Variants in GPATCH2 observed in about 807,000 individuals in gnomAD.
GPATCH2 encodes the protein G patch domain-containing protein 2.
In GPATCH2, 51 loss-of-function variants were observed where a neutral mutation model predicts 58.0. The ratio of observed to expected loss-of-function variants is 0.88; its 90% confidence interval spans 0.70 to 1.11. The LOEUF is 1.11. Ranked by LOEUF, GPATCH2 falls within the 50% of genes most tolerant of loss-of-function variation. The pLI, the probability that GPATCH2 is intolerant of heterozygous loss-of-function variation, is 0.00. For missense variants in GPATCH2, 625 were observed against 652.2 expected, an observed-to-expected ratio of 0.96 and a Z score of 0.45; for synonymous variants, 222 against 218.5, an observed-to-expected ratio of 1.02 and a Z score of -0.14.
intron 9 of GPATCH2, among the ~76,000 whole-genome samples, chr1:217,442,621 A>G (rs544814396): frequency 7.1e-6 from 1 of 140,296 alleles, no homozygotes; most frequent in South Asian, 2.1e-4. Flanking sequence ...AAACAAGCAT[A>G]GCAAATCTGA....
intron 5 of GPATCH2, chr1:217,609,173 T>A (rs760404403): frequency 5.6e-5 from 55 of 978,878 alleles, no homozygotes; most frequent in Non-Finnish European, 6.7e-5. Flanking sequence ...TATTATAGTG[T>A]CTAAATTATA....
intron 7 of GPATCH2, among the ~76,000 whole-genome samples, chr1:217,494,660 T>C (rs1241374665): frequency 6.6e-6 from 1 of 151,880 alleles, no homozygotes; most frequent in Non-Finnish European, 1.5e-5. Context: ...ATGAGAATCG[T>C]TTGAACTCGG....
At chr1:217,574,229 C>A (rs535082965) in intron 5 of GPATCH2, among the ~76,000 whole-genome samples, 1 of 152,272 alleles carries the variant, frequency 6.6e-6, no homozygotes, top group South Asian at 2.1e-4. Context: ...ACAAAATGTG[C>A]CTTTTTTACA....
At chr1:217,441,017 AT>A (rs1659110017) in intron 9 of GPATCH2, among the ~76,000 whole-genome samples, 1 of 152,202 alleles carries the variant, frequency 6.6e-6, no homozygotes, top group Non-Finnish European at 1.5e-5. Flanking sequence ...TTTAAAGTTC[AT>A]ACGAAACCAA....
Position 217,620,029 on chromosome 1 carries a change from G to C in GPATCH2, c.527C>G (p.Ser176Cys). Residue 176 changes from serine (S) to cysteine (C), a missense_variant, in exon 2 of 10, where the codon TCT (serine) becomes TGT (cysteine). Transcript: ENST00000366935. ...RMAVDLPQDI[S>C]NKRTMTQPPE... ...TGGCTGGGTCATTGTCCGTTTGTTA[G>C]AGATGTCCTGTGGGAGATCTACTGC... 6.2e-7 allele frequency: 1 copy of C among 1,613,844 alleles called. No individual in the cohort carries two copies. The highest frequency in any genetic ancestry group is 8.5e-7 in the Non-Finnish European group (1 of 1,179,856).
In GPATCH2 at chr1:217,428,566, TA is replaced by T. The variant is rs1558384746; in HGVS notation, c.*2578del. 6.6e-6 allele frequency: 1 copy of T among 152,192 alleles called. No homozygotes were observed. The highest frequency in any genetic ancestry group is 1.9e-4 in the East Asian group (1 of 5,194). The allele number at this position is 152,192 out of a possible 1,614,324, so 9.4% of individuals were successfully genotyped here. A position where few individuals can be genotyped will look rare whatever the true frequency, so the allele number is the denominator to read the frequency against. The stretch of plus-strand genomic sequence containing the variant: ...TTCTTAAAGACTGAGGGCATGTCAG[TA>T]GAAGTATGGGGGAAGCTTGGGATGT... On this transcript the variant is annotated 3_prime_UTR_variant, in exon 10 of 10. Transcript: ENST00000366935.
At chr1:217,461,391 C>T (rs1461478724) in intron 8 of GPATCH2, among the ~76,000 whole-genome samples, 1 of 152,122 alleles carries the variant, frequency 6.6e-6, no homozygotes, top group Non-Finnish European at 1.5e-5. Flanking sequence ...TATTTTCTGC[C>T]TTAAACTACA....
intron 1 of GPATCH2, among the ~76,000 whole-genome samples, chr1:217,622,143 CTCA>C: frequency 6.6e-6 from 1 of 152,202 alleles, no homozygotes; most frequent in South Asian, 2.1e-4. Context: ...TACTGTAATC[CTCA>C]AGACAGATTT....
chr1:217,440,096 C>T (rs1012270113), intron 9 of GPATCH2, among the ~76,000 whole-genome samples: 18 of 152,176 alleles, frequency 1.2e-4, no homozygotes, highest in Middle Eastern at 3.2e-3. Flanking sequence ...TGATGAACAT[C>T]GATGTGAAAA....
intron 5 of GPATCH2, among the ~76,000 whole-genome samples, chr1:217,527,962 A>T (rs1270658562): frequency 6.6e-6 from 1 of 152,150 alleles, no homozygotes; most frequent in Non-Finnish European, 1.5e-5. Context: ...AACGGAAGTT[A>T]AAAAAAATCA....
In GPATCH2 at chr1:217,522,120, TA is replaced by T. The variant is rs1172692574; in HGVS notation, c.1099-7232del. On this transcript the variant is annotated intron_variant, in intron 5 of 9. Coordinates refer to ENST00000366935, the MANE Select transcript of GPATCH2 (RefSeq NM_018040.5). ...GTTTTTAACGTAAAACTAAACAATA[TA>T]ATTGTTTTAAATCTTCATTGTAAAC... is the stretch of plus-strand genomic sequence containing the variant. Among the ~76,000 whole-genome samples the T allele has an allele frequency of 2.0e-5, 3 of 152,346 alleles. No homozygotes were observed. The East Asian group carries it at 5.8e-4, about 29-fold the overall frequency.
intron 7 of GPATCH2, among the ~76,000 whole-genome samples, chr1:217,492,283 A>G (rs1471104528): frequency 6.6e-6 from 1 of 152,194 alleles, no homozygotes; most frequent in Admixed American, 6.5e-5. Flanking sequence ...TTCTTCTTCA[A>G]AGAAATTATT....
chr1:217,470,227 G>C (rs1437740781), intron 8 of GPATCH2, among the ~76,000 whole-genome samples: 1 of 152,180 alleles, frequency 6.6e-6, no homozygotes, highest in Non-Finnish European at 1.5e-5. Flanking sequence ...ATTCATTTCA[G>C]TTAAGGGTCA....
In GPATCH2 at chr1:217,436,910, A is replaced by T. The variant is rs6674465; in HGVS notation, c.1367-5545T>A. 5.2e-3 allele frequency among the ~76,000 whole-genome samples: 793 copies of T among 152,312 alleles called. 4 individuals carry two copies. The highest frequency in any genetic ancestry group is 8.8e-3 in the Non-Finnish European group (601 of 68,030). The stretch of plus-strand genomic sequence containing the variant: ...ACTGAACTTGCAATATTATATCATC[A>T]ACATTTTCTGATGCATGGGGAGTTG... On this transcript the variant is annotated intron_variant, in intron 9 of 9. Coordinates refer to ENST00000366935, the MANE Select transcript of GPATCH2 (RefSeq NM_018040.5).
At position 217,609,759 on chromosome 1, in the gene GPATCH2, G is replaced by A. The variant is rs1017933520; in HGVS notation, c.1098+562C>T. 3.1e-6 allele frequency: 3 copies of A among 953,894 alleles called. No homozygotes were observed. The African/African-American group carries it at 5.3e-5, about 17-fold the overall frequency. 59.1% of individuals were successfully genotyped at this position (953,894 alleles called of 1,614,324 possible). ...ATTTTTATTTACAACAGTCAGATATGTAAAAATTAATTCTTAATCAGTCAC... is the reference window on the plus strand; with the variant it reads ...ATTTTTATTTACAACAGTCAGATATATAAAAATTAATTCTTAATCAGTCAC... On this transcript the variant is annotated intron_variant, in intron 5 of 9. Coordinates refer to ENST00000366935, the MANE Select transcript of GPATCH2 (RefSeq NM_018040.5).
intron 8 of GPATCH2, among the ~76,000 whole-genome samples, chr1:217,461,038 AG>A (rs1660177060): frequency 6.6e-6 from 1 of 152,220 alleles, no homozygotes; most frequent in South Asian, 2.1e-4. Flanking sequence ...ATAATGTAAC[AG>A]TTCTATATGC....
At chr1:217,470,986 C>T (rs2102501871) in intron 8 of GPATCH2, among the ~76,000 whole-genome samples, 1 of 151,784 alleles carries the variant, frequency 6.6e-6, no homozygotes, top group South Asian at 2.1e-4. Context: ...ACTTCTTTTA[C>T]AACGATAAAA....
In GPATCH2 at chr1:217,630,917, A is replaced by G. The variant is rs1257539953; in HGVS notation, c.55T>C (p.Trp19Arg). The G allele has an allele frequency of 6.3e-7, 1 of 1,588,482 alleles. No individual in the cohort carries two copies. The highest frequency in any genetic ancestry group is 1.1e-5 in the South Asian group (1 of 88,660). ...CCTCCCCAGGGCCGCCAGCCTCACCAGCTGTTCCCGGCTGCTGGAGCTCCG... is the reference window on the plus strand; with the variant it reads ...CCTCCCCAGGGCCGCCAGCCTCACCGGCTGTTCCCGGCTGCTGGAGCTCCG... ...PIGAPAAGNS[W>R]HFSRTMEELV... The change falls in exon 1 of 10, where the codon TGG becomes CGG. Residue 19 changes from tryptophan (W) to arginine (R), a missense_variant and splice_region_variant. Transcript: ENST00000366935.
intron 7 of GPATCH2, among the ~76,000 whole-genome samples, chr1:217,493,354 T>G (rs1466033572): frequency 6.6e-6 from 1 of 152,148 alleles, no homozygotes; most frequent in Non-Finnish European, 1.5e-5. Flanking sequence ...AACCTAACCT[T>G]CTTTCTTCTA....
Sources: allele counts gnomAD v4.1 joint callset (sites outside exome capture counted in the v4.1 genomes callset), GRCh38; gene constraint gnomAD v4.1.1; transcripts MANE v1.5; gene names NCBI Gene and HGNC (gene_info 2026-07-23, HGNC 2026-07-21).